PDZD9: variants seen among roughly 807,000 people sequenced by gnomAD.
PDZD9 encodes the protein PDZ domain containing 9.
Under a neutral mutation model 16.3 loss-of-function variants are expected in PDZD9, and 13 were observed. The ratio of observed to expected loss-of-function variants is 0.80; its 90% CI spans 0.52 to 1.27. The LOEUF is 1.27. Ranked by LOEUF, PDZD9 falls within the 50% of genes most tolerant of loss-of-function variation. The pLI, the probability that PDZD9 is intolerant of heterozygous loss-of-function variation, is 0.00. For missense variants in PDZD9, 288 were observed against 310.9 expected (o/e 0.93, Z 0.55); for synonymous variants, 120 against 111.0 (o/e 1.08, Z -0.51).
chr16:21,963,860 T>C, the PDZD9 span, among the ~76,000 whole-genome samples: 1 of 152,228 alleles, frequency 6.6e-6, no homozygotes, highest in East Asian at 1.9e-4. Flanking sequence ...ATTGCTATTA[T>C]TGTTTAGCCA....
At chr16:21,965,310 A>T in the PDZD9 span, 33 of 1,136,914 alleles carry the variant, frequency 2.9e-5, no homozygotes, top group Middle Eastern at 4.2e-4. Flanking sequence ...ATGCCAGAAG[A>T]TGACCAAATT....
At chr16:21,986,851 G>C (rs879336835) in intron 3 of PDZD9, among the ~76,000 whole-genome samples, 9 of 152,194 alleles carry the variant, frequency 5.9e-5, no homozygotes, top group African/African-American at 9.7e-5. Flanking sequence ...GCCTTCAAGG[G>C]TGACTACTGA....
intron 2 of PDZD9, chr16:21,995,275 C>T: frequency 2.2e-6 from 1 of 456,270 alleles, no homozygotes; most frequent in South Asian, 1.6e-5. Context: ...TTGTAAGTTT[C>T]CTGAGGCCTC....
At chr16:21,957,966 A>G in the PDZD9 span, among the ~76,000 whole-genome samples, 318 of 152,352 alleles carry the variant, frequency 2.1e-3, 1 homozygote, top group Non-Finnish European at 3.8e-3. Flanking sequence ...TGATAAGGAT[A>G]CCAGTTACAT....
chr16:21,976,086 TG>T, the PDZD9 span: 2 of 888,932 alleles, frequency 2.2e-6, no homozygotes, highest in Admixed American at 4.0e-5. Flanking sequence ...TCTGTGTTTT[TG>T]CCTCAGTAAA....
At chr16:21,962,453 G>C in the PDZD9 span, 73 of 1,614,024 alleles carry the variant, frequency 4.5e-5, no homozygotes, top group African/African-American at 9.3e-4. Flanking sequence ...TTTATTTTCC[G>C]ATTCAGTGTG....
the PDZD9 span, chr16:21,976,204 C>G: frequency 6.2e-7 from 1 of 1,614,002 alleles, no homozygotes; most frequent in South Asian, 1.1e-5. Context: ...AAAACAATAG[C>G]TCAAGGAAAC....
At chr16:21,980,501 T>C, downstream of PDZD9, 5 of 1,578,646 alleles carry the variant, frequency 3.2e-6, no homozygotes, top group Non-Finnish European at 4.3e-6. Context: ...AAAAAAAAAA[T>C]AATTGCCTTG....
chr16:21,986,005 T>A (rs572879038), intron 3 of PDZD9, among the ~76,000 whole-genome samples: 1 of 152,172 alleles, frequency 6.6e-6, no homozygotes, highest in Admixed American at 6.5e-5. Flanking sequence ...CCTTGGCAAC[T>A]CTGATGGTTA....
At position 21,996,481 on chromosome 16, in the gene PDZD9, C is replaced by A. The variant is rs772962147; in HGVS notation, c.52G>T (p.Val18Phe). The change falls in exon 2 of 4, where the codon GTC becomes TTC. Residue 18 changes from valine (V) to phenylalanine (F), a missense_variant. Physicochemically the swap from Val to Phe is conservative, Grantham distance 50. Coordinates refer to ENST00000424898, the MANE Select transcript of PDZD9 (RefSeq NM_001363519.1). Reference sequence around the variant, plus strand: ...CTCAAGTTGTGTACAGATGTTTTGACCTTGTTGCTGACTCCTCTTTCTAAC... The same window carrying A: ...CTCAAGTTGTGTACAGATGTTTTGAACTTGTTGCTGACTCCTCTTTCTAAC... ...NKKERGVSNK[V>F]KTSVHNLSKT... 6.5e-6 allele frequency: 10 copies of A among 1,535,518 alleles called. 1 individual carries two copies. In the South Asian group the frequency reaches 1.1e-4, roughly 16 times the overall value.
downstream of PDZD9, chr16:21,980,197 G>T: frequency 4.3e-6 from 1 of 235,164 alleles, no homozygotes; most frequent in Non-Finnish European, 8.6e-6. Context: ...GTGACATGCA[G>T]AGGATCCAGA....
chr16:21,992,686 C>T (rs1471962163), intron 2 of PDZD9, among the ~76,000 whole-genome samples: 1 of 152,142 alleles, frequency 6.6e-6, no homozygotes, highest in African/African-American at 2.4e-5. Flanking sequence ...CAGTGTTTTG[C>T]CAGGGTTTCT....
intron 1 of PDZD9, among the ~76,000 whole-genome samples, chr16:21,997,774 T>G (rs1380987071): frequency 6.6e-6 from 1 of 152,188 alleles, no homozygotes; most frequent in Admixed American, 6.5e-5. Context: ...GAAACTCCTT[T>G]TCGGTACACA....
downstream of PDZD9, among the ~76,000 whole-genome samples, chr16:21,980,072 G>C (rs1359941029): frequency 6.6e-6 from 1 of 152,208 alleles, no homozygotes; most frequent in African/African-American, 2.4e-5. Flanking sequence ...TACGTTAGGT[G>C]TATTAAATGC....
chr16:21,969,123 T>C, the PDZD9 span, among the ~76,000 whole-genome samples: 3 of 152,162 alleles, frequency 2.0e-5, no homozygotes, highest in African/African-American at 7.2e-5. Context: ...GTTGGCAAAA[T>C]TAAAAGATGG....
intron 1 of PDZD9, among the ~76,000 whole-genome samples, chr16:22,000,584 G>T (rs1387699637): frequency 2.0e-5 from 3 of 152,024 alleles, no homozygotes; most frequent in Non-Finnish European, 2.9e-5. Context: ...TAAAAATAAC[G>T]ATGGCCAAGG....
At chr16:21,963,298 A>G in the PDZD9 span, 1 of 153,030 alleles carries the variant, frequency 6.5e-6, no homozygotes, top group Non-Finnish European at 1.5e-5. Context: ...TGCCTGGCCA[A>G]ATGTTTTACT....
rs1202627517 is a variant in PDZD9 at position 22,001,097 on chromosome 16, G to T, written c.-50C>A. ...GGAGGGCCTCCCGGAGCAGAGGCTG[G>T]AGTCAGTCCCAATGCCAACAGTTTC... On this transcript the variant is annotated 5_prime_UTR_variant, in exon 1 of 4. Transcript: ENST00000424898. 6.8e-6 allele frequency: 10 copies of T among 1,476,566 alleles called. No individual in the cohort carries two copies. Among genetic ancestry groups the T allele is most frequent in the Non-Finnish European group, 8.1e-6 (9 of 1,113,616 alleles). The allele number at this position is 1,476,566 out of a possible 1,614,324, so 91.5% of individuals were successfully genotyped here.
the PDZD9 span, chr16:21,958,408 C>A: frequency 1.2e-6 from 1 of 804,104 alleles, no homozygotes; most frequent in Non-Finnish European, 2.0e-6. Flanking sequence ...TAATTCTTAA[C>A]TAAAAAGGAT....
Sources: gnomAD v4.1 joint callset for allele counts (sites outside exome capture counted in the v4.1 genomes callset) on GRCh38, gnomAD v4.1.1 for gene constraint, MANE v1.5 for transcripts, NCBI Gene and HGNC (gene_info 2026-07-23, HGNC 2026-07-21) for gene names.